ABTB3: variants seen among roughly 807,000 people sequenced by gnomAD.
ABTB3 encodes ankyrin repeat- and BTB/POZ domain-containing protein 3.
the ABTB3 span, among the ~76,000 whole-genome samples, chr12:107,340,262 T>G: frequency 6.6e-6 from 1 of 152,182 alleles, no homozygotes; most frequent in Non-Finnish European, 1.5e-5. Context: ...CTGAGTTGCT[T>G]AGTGGAGAAA....
At chr12:107,374,345 C>G in the ABTB3 span, among the ~76,000 whole-genome samples, 1 of 152,206 alleles carries the variant, frequency 6.6e-6, no homozygotes, top group Non-Finnish European at 1.5e-5. Flanking sequence ...TTTCCCATTT[C>G]CTGCTGGGCA....
chr12:107,572,761 G>C, the ABTB3 span, among the ~76,000 whole-genome samples: 1 of 152,176 alleles, frequency 6.6e-6, no homozygotes, highest in East Asian at 1.9e-4. Context: ...CCTTCTCTGG[G>C]ATGGGAAGGG....
the ABTB3 span, among the ~76,000 whole-genome samples, chr12:107,429,004 G>A: frequency 4.5e-4 from 68 of 152,352 alleles, no homozygotes; most frequent in African/African-American, 1.5e-3. Flanking sequence ...AAGCATCTAG[G>A]GCAGGTAGGG....
At chr12:107,553,474 G>A in the ABTB3 span, among the ~76,000 whole-genome samples, 1 of 152,172 alleles carries the variant, frequency 6.6e-6, no homozygotes, top group Non-Finnish European at 1.5e-5. Context: ...TGACTATAGG[G>A]AAGGGAGCTA....
chr12:107,592,557 A>T, the ABTB3 span, among the ~76,000 whole-genome samples: 1 of 152,252 alleles, frequency 6.6e-6, no homozygotes, highest in South Asian at 2.1e-4. Context: ...TAACAACGAA[A>T]ATAAATGAAC....
the ABTB3 span, among the ~76,000 whole-genome samples, chr12:107,536,149 CTT>C: frequency 6.6e-6 from 1 of 152,120 alleles, no homozygotes; most frequent in East Asian, 1.9e-4. Context: ...AAAGGACACT[CTT>C]TTCAATAAGT....
the ABTB3 span, chr12:107,619,979 G>A: frequency 5.8e-5 from 93 of 1,595,628 alleles, no homozygotes; most frequent in South Asian, 2.9e-4. Context: ...TCCTCTCCCC[G>A]CTCCAGGCGT....
chr12:107,430,796 G>T, the ABTB3 span, among the ~76,000 whole-genome samples: 6 of 152,142 alleles, frequency 3.9e-5, no homozygotes, highest in Admixed American at 6.5e-5. Context: ...TATTAAAGCA[G>T]ATTATGAAAT....
At chr12:107,465,596 C>G in the ABTB3 span, among the ~76,000 whole-genome samples, 2 of 152,150 alleles carry the variant, frequency 1.3e-5, no homozygotes, top group African/African-American at 4.8e-5. Flanking sequence ...GCAGGGGGTG[C>G]TGGGGGCAGA....
At chr12:107,499,483 C>A in the ABTB3 span, among the ~76,000 whole-genome samples, 1 of 151,936 alleles carries the variant, frequency 6.6e-6, no homozygotes, top group South Asian at 2.1e-4. Flanking sequence ...AATTAACTCA[C>A]GAATTTGCCC....
chr12:107,378,417 A>G, the ABTB3 span, among the ~76,000 whole-genome samples: 1 of 152,172 alleles, frequency 6.6e-6, no homozygotes. Context: ...TATGTACACT[A>G]TGGTATTTCA....
At chr12:107,568,805 C>T in the ABTB3 span, among the ~76,000 whole-genome samples, 15 of 151,736 alleles carry the variant, frequency 9.9e-5, no homozygotes, top group Admixed American at 2.6e-4. Context: ...AGTCTCCTAA[C>T]GCCACCCGTG....
chr12:107,390,986 A>G, the ABTB3 span, among the ~76,000 whole-genome samples: 1 of 152,136 alleles, frequency 6.6e-6, no homozygotes, highest in Non-Finnish European at 1.5e-5. Context: ...CCCTGTCTCT[A>G]TTAAAAAGGC....
the ABTB3 span, among the ~76,000 whole-genome samples, chr12:107,514,099 C>A: frequency 6.6e-6 from 1 of 152,136 alleles, no homozygotes; most frequent in Non-Finnish European, 1.5e-5. Flanking sequence ...ATAGTTTAAC[C>A]CCTCTTTGCT....
At chr12:107,656,057 G>A in the ABTB3 span, among the ~76,000 whole-genome samples, 2 of 151,984 alleles carry the variant, frequency 1.3e-5, no homozygotes, top group East Asian at 3.9e-4. Flanking sequence ...GGAGGCTGAG[G>A]TGGGAGGATC....
the ABTB3 span, among the ~76,000 whole-genome samples, chr12:107,609,277 A>T: frequency 3.3e-5 from 5 of 152,262 alleles, no homozygotes; most frequent in African/African-American, 7.2e-5. Flanking sequence ...TAGCACAAAC[A>T]GGTATTCAAT....
At chr12:107,557,955 T>G in the ABTB3 span, among the ~76,000 whole-genome samples, 1 of 152,220 alleles carries the variant, frequency 6.6e-6, no homozygotes, top group Non-Finnish European at 1.5e-5. Flanking sequence ...TGACTCCCGT[T>G]CAGCACAGCC....
the ABTB3 span, among the ~76,000 whole-genome samples, chr12:107,431,606 TC>T: frequency 1.3e-5 from 2 of 152,136 alleles, no homozygotes; most frequent in Non-Finnish European, 2.9e-5. Flanking sequence ...CAAGACTCTG[TC>T]CCCACTACCC....
At chr12:107,453,477 G>C in the ABTB3 span, among the ~76,000 whole-genome samples, 11 of 152,126 alleles carry the variant, frequency 7.2e-5, no homozygotes, top group Non-Finnish European at 1.3e-4. Flanking sequence ...TGAGAACACA[G>C]AAAGAAAGTG....
Sources: allele counts gnomAD v4.1 joint callset (sites outside exome capture counted in the v4.1 genomes callset), GRCh38; gene constraint gnomAD v4.1.1; transcripts MANE v1.5; gene names NCBI Gene and HGNC (gene_info 2026-07-23, HGNC 2026-07-21).